The following EXOC4 variants were observed in gnomAD, a reference collection of about 807,000 sequenced individuals.
EXOC4 encodes the protein exocyst complex component 4.
In EXOC4, 71 loss-of-function variants were observed where a neutral mutation model predicts 107.2. That is an observed-to-expected ratio of 0.66 (90% CI 0.55 to 0.81). The LOEUF (loss-of-function observed/expected upper bound fraction) is 0.81. Ranked by LOEUF, EXOC4 falls within the 30% of genes least tolerant of loss-of-function variation. EXOC4 has a pLI of 0.00. For synonymous variants in EXOC4, 456 were observed against 441.2 expected (o/e 1.03, Z -0.42); for missense variants, 1,108 against 1,189.6 (o/e 0.93, Z 1.01).
chr7:133,982,319 G>A (rs981719768), intron 14 of EXOC4, among the ~76,000 whole-genome samples: 9 of 152,288 alleles, frequency 5.9e-5, no homozygotes, highest in Admixed American at 1.3e-4. Context: ...TTGGGAGGCC[G>A]AGGCGGGCAG....
At chr7:133,412,278 G>GTTGTTT (rs1554448858) in intron 7 of EXOC4, among the ~76,000 whole-genome samples, 2 of 71,476 alleles carry the variant, frequency 2.8e-5, no homozygotes, top group African/African-American at 5.4e-5. Flanking sequence ...TCAGAATTCA[G>GTTGTTT]TTTTTTTTTT....
chr7:133,849,105 A>G (rs1798191494), intron 11 of EXOC4, among the ~76,000 whole-genome samples: 1 of 152,192 alleles, frequency 6.6e-6, no homozygotes, highest in African/African-American at 2.4e-5. Flanking sequence ...AATTTTCATC[A>G]TACGGATATA....
intron 10 of EXOC4, among the ~76,000 whole-genome samples, chr7:133,691,261 T>G (rs1250727966): frequency 2.0e-5 from 3 of 152,194 alleles, no homozygotes; most frequent in Non-Finnish European, 4.4e-5. Context: ...TGTTAGTGGT[T>G]GGAGATGGAC....
At chr7:134,004,546 T>C (rs1794599414) in intron 15 of EXOC4, among the ~76,000 whole-genome samples, 1 of 152,176 alleles carries the variant, frequency 6.6e-6, no homozygotes, top group Admixed American at 6.5e-5. Flanking sequence ...ACAGTATGCC[T>C]ACAACCCTGG....
At chr7:133,645,237 G>A (rs376555559) in intron 10 of EXOC4, among the ~76,000 whole-genome samples, 5 of 151,862 alleles carry the variant, frequency 3.3e-5, no homozygotes, top group Admixed American at 6.6e-5. Context: ...GACTACAGGC[G>A]TGTGCCACCA....
chr7:133,885,827 G>C (rs754046653), intron 11 of EXOC4, among the ~76,000 whole-genome samples: 2 of 152,148 alleles, frequency 1.3e-5, no homozygotes, highest in Non-Finnish European at 1.5e-5. Context: ...GGCATGTTCA[G>C]AGGAACTGGA....
chr7:133,993,131 G>A (rs1422925595), intron 14 of EXOC4, among the ~76,000 whole-genome samples: 4 of 152,098 alleles, frequency 2.6e-5, no homozygotes, highest in Non-Finnish European at 5.9e-5. Flanking sequence ...TATTTTTAAT[G>A]TGTTGTCAAA....
At chr7:133,462,818 G>T (rs1444584590) in intron 7 of EXOC4, among the ~76,000 whole-genome samples, 1 of 152,088 alleles carries the variant, frequency 6.6e-6, no homozygotes, top group Non-Finnish European at 1.5e-5. Context: ...TAAGAAACAG[G>T]AAATAAAACT....
chr7:133,266,413 C>T (rs1793731767), intron 1 of EXOC4, among the ~76,000 whole-genome samples: 1 of 152,178 alleles, frequency 6.6e-6, no homozygotes, highest in South Asian at 2.1e-4. Context: ...ACCCTGGGCA[C>T]TCTTATTATT....
At chr7:133,988,306 C>T (rs1045568569) in intron 14 of EXOC4, among the ~76,000 whole-genome samples, 1 of 152,222 alleles carries the variant, frequency 6.6e-6, no homozygotes, top group South Asian at 2.1e-4. Context: ...TCCCTACTCT[C>T]TCTCTAGATT....
chr7:134,060,252 A>G (rs1179703802), intron 17 of EXOC4, among the ~76,000 whole-genome samples: 2 of 152,214 alleles, frequency 1.3e-5, no homozygotes, highest in Non-Finnish European at 2.9e-5. Flanking sequence ...AGCAAAGGGT[A>G]GGAGAAGCCA....
chr7:133,533,080 T>C (rs562544980), intron 9 of EXOC4, among the ~76,000 whole-genome samples: 1 of 152,248 alleles, frequency 6.6e-6, no homozygotes, highest in East Asian at 1.9e-4. Context: ...CTCTGAGCAA[T>C]GTATCTTGGT....
intron 9 of EXOC4, among the ~76,000 whole-genome samples, chr7:133,597,840 A>G (rs182054729): frequency 9.9e-5 from 15 of 151,778 alleles, no homozygotes; most frequent in Non-Finnish European, 2.1e-4. Flanking sequence ...ATGAAACCCC[A>G]TCTCTACTAA....
At chr7:133,982,471 G>A (rs1297807158) in intron 14 of EXOC4, among the ~76,000 whole-genome samples, 2 of 152,180 alleles carry the variant, frequency 1.3e-5, no homozygotes, top group East Asian at 3.9e-4. Flanking sequence ...AGAACGGCAT[G>A]AACCCGGGAG....
the EXOC4 span, among the ~76,000 whole-genome samples, chr7:134,077,398 C>A: frequency 6.6e-6 from 1 of 152,182 alleles, no homozygotes; most frequent in African/African-American, 2.4e-5. Context: ...AAATGCTAAG[C>A]CCTTCCAGAA....
intron 10 of EXOC4, among the ~76,000 whole-genome samples, chr7:133,650,022 TC>T (rs1247262195): frequency 6.6e-6 from 1 of 152,154 alleles, no homozygotes; most frequent in Admixed American, 6.5e-5. Context: ...TAGGTTTTTA[TC>T]CTTTTATAAA....
intron 10 of EXOC4, among the ~76,000 whole-genome samples, chr7:133,709,050 T>C (rs1051490926): frequency 6.6e-6 from 1 of 152,248 alleles, no homozygotes; most frequent in Non-Finnish European, 1.5e-5. Context: ...AAATGACATC[T>C]GATGTGGCTG....
At chr7:133,273,684 C>G (rs116532152) in intron 1 of EXOC4, among the ~76,000 whole-genome samples, 4 of 152,146 alleles carry the variant, frequency 2.6e-5, no homozygotes, top group African/African-American at 9.7e-5. Context: ...TACTGTGTGG[C>G]TCATGAATTA....
At chr7:134,034,755 TA>T (rs1795349950) in intron 17 of EXOC4, among the ~76,000 whole-genome samples, 1 of 152,212 alleles carries the variant, frequency 6.6e-6, no homozygotes, top group African/African-American at 2.4e-5. Context: ...GAAAACGGAC[TA>T]ATACAGGTTG....
Sources: allele counts gnomAD v4.1 joint callset (sites outside exome capture counted in the v4.1 genomes callset), GRCh38; gene constraint gnomAD v4.1.1; transcripts MANE v1.5; gene names NCBI Gene and HGNC (gene_info 2026-07-23, HGNC 2026-07-21).